The following RPS17 variants were observed in gnomAD, a reference collection of about 807,000 sequenced individuals.
RPS17 encodes the protein ribosomal protein S17.
For synonymous variants in RPS17, 75 were observed against 65.6 expected, an observed-to-expected ratio of 1.14 and a Z score of -0.70; for missense variants, 68 against 182.3, an observed-to-expected ratio of 0.37 and a Z score of 3.61.
At position 82,539,988 on chromosome 15, in the gene RPS17, T is replaced by C; in HGVS notation, c.148A>G (p.Ile50Val). 4 of 1,612,040 alleles carry C rather than the reference T, an allele frequency of 2.5e-6. No individual in the cohort carries two copies. The highest frequency in any genetic ancestry group is 3.4e-6 in the Non-Finnish European group (4 of 1,179,858). ...IIPSKKLRNK[I>V]AGYVTHLMKR... ...GAGGAAGGCCCGACTCACCCTGCTA[T>C]CTTGTTGCGGAGCTTTTTGCTGGGG... The change falls in exon 2 of 5, where the codon ATA becomes GTA. Residue 50 changes from isoleucine to valine, a missense_variant. Physicochemically the swap from Ile to Val is conservative, Grantham distance 29. Coordinates refer to ENST00000647841, the MANE Select transcript of RPS17 (RefSeq NM_001021.6).
intron 2 of RPS17, 151 bp from the exon 3 acceptor site, chr15:82,539,136 G>C (rs903286313): frequency 5.0e-5 from 40 of 807,912 alleles, no homozygotes; most frequent in Non-Finnish European, 7.5e-5. Context: ...CCTACACATA[G>C]AACCTCCACT....
chr15:82,537,162 A>G (rs1248107800), intron 4 of RPS17: 7 of 524,230 alleles, frequency 1.3e-5, no homozygotes, highest in Middle Eastern at 5.2e-4. Flanking sequence ...CTTCCTATCA[A>G]TCACTCTAAA....
At chr15:82,537,232 C>T in intron 4 of RPS17, 1 of 407,134 alleles carries the variant, frequency 2.5e-6, no homozygotes, top group Non-Finnish European at 4.6e-6. Flanking sequence ...TTGTTATAGG[C>T]AGCTGTACTG....
Position 82,538,387 on chromosome 15 carries a change from G to A in RPS17, c.262-16C>T. 9.9e-6 allele frequency: 16 copies of A among 1,611,802 alleles called. No homozygotes were observed. Among genetic ancestry groups the A allele is most frequent in the Non-Finnish European group, 1.4e-5 (16 of 1,179,642 alleles). On this transcript the variant is annotated splice_polypyrimidine_tract_variant and intron_variant, in intron 3 of 4. Coordinates refer to ENST00000647841, the MANE Select transcript of RPS17 (RefSeq NM_001021.6). Reference sequence around the variant, plus strand: ...AGGCTGAGACCTACAAGGAAACGAGGTAGGGTCAAAATACCAATCAATGAG... The same window carrying A: ...AGGCTGAGACCTACAAGGAAACGAGATAGGGTCAAAATACCAATCAATGAG...
chr15:82,538,112 T>G, intron 4 of RPS17, 194 bp downstream of exon 4: 1 of 652,290 alleles, frequency 1.5e-6, no homozygotes, highest in Non-Finnish European at 2.9e-6. Flanking sequence ...TTGGGAATCA[T>G]GATCTTGTGG....
intron 4 of RPS17, chr15:82,537,571 C>T (rs1243935169): frequency 1.8e-5 from 6 of 334,694 alleles, no homozygotes; most frequent in African/African-American, 4.3e-5. Context: ...ACCTGGAACT[C>T]CATGTCCTAT....
At chr15:82,538,446 G>T in intron 3 of RPS17, 75 bp from the exon 4 acceptor site, 1 of 1,513,510 alleles carries the variant, frequency 6.6e-7, no homozygotes, top group Non-Finnish European at 9.2e-7. Context: ...CTCTCCCCAG[G>T]TTCTTAAATA....
At position 82,538,176 on chromosome 15, in the gene RPS17, G is replaced by A. The variant is rs1656371194; in HGVS notation, c.327+130C>T. 6.1e-6 allele frequency: 6 copies of A among 984,856 alleles called. No homozygotes were observed. The South Asian group carries it at 7.8e-5, about 13-fold the overall frequency. 61.0% of individuals were successfully genotyped at this position (984,856 alleles called of 1,614,324 possible). On this transcript the variant is annotated intron_variant, in intron 4 of 4. Transcript: ENST00000647841. Reference sequence around the variant, plus strand: ...CTACACCCCTTATGAAAGCAGTCCAGTTTAGTGGCTACAAGTTTAGATGGG... The same window carrying A: ...CTACACCCCTTATGAAAGCAGTCCAATTTAGTGGCTACAAGTTTAGATGGG...
chr15:82,540,266 G>C (rs1298244050), intron 1 of RPS17, 134 bp from the exon 2 acceptor site: 2 of 1,600,954 alleles, frequency 1.2e-6, no homozygotes, highest in Non-Finnish European at 1.7e-6. Flanking sequence ...AAACAGTGCC[G>C]GGCGCCGGGC....
Position 82,536,992 on chromosome 15 carries a change from C to T in RPS17, c.328-111G>A, listed in dbSNP as rs926422710. The T allele has an allele frequency of 3.9e-4, 498 of 1,272,560 alleles. 4 individuals carry two copies. The South Asian group carries it at 5.0e-3, about 13-fold the overall frequency. The allele number at this position is 1,272,560 out of a possible 1,614,324, so 78.8% of individuals were successfully genotyped here. The stretch of plus-strand genomic sequence containing the variant: ...CAGCACTCTCAAGGGGGTCCAGAGG[C>T]GACCTGAAGGACCCTTTAAGAGCCA... On this transcript the variant is annotated intron_variant, in intron 4 of 4. Coordinates refer to ENST00000647841, the MANE Select transcript of RPS17 (RefSeq NM_001021.6).
Position 82,539,963 on chromosome 15 carries a change from G to A in RPS17, c.155+18C>T, listed in dbSNP as rs2034316654. On this transcript the variant is annotated intron_variant, in intron 2 of 4. Coordinates refer to ENST00000647841, the MANE Select transcript of RPS17 (RefSeq NM_001021.6). Reference sequence around the variant, plus strand: ...AACAGATCGCGGAGCCCCGGAGGCCGAGGAAGGCCCGACTCACCCTGCTAT... The same window carrying A: ...AACAGATCGCGGAGCCCCGGAGGCCAAGGAAGGCCCGACTCACCCTGCTAT... 3.7e-6 allele frequency: 6 copies of A among 1,611,970 alleles called. No individual in the cohort carries two copies. Among genetic ancestry groups the A allele is most frequent in the African/African-American group, 1.3e-5 (1 of 74,880 alleles).
At chr15:82,539,204 T>G in intron 2 of RPS17, 1 of 672,604 alleles carries the variant, frequency 1.5e-6, no homozygotes, top group Non-Finnish European at 2.7e-6. Flanking sequence ...TCCTTCATGA[T>G]GATCAAGCGC....
In RPS17 at chr15:82,540,088, G is replaced by C; in HGVS notation, c.48C>G (p.Ile16Met). ...CCAGGCGCGTGTAGTACTTTTCTATGATGACCCGGGCCGCCTTCTTCACGG... is the reference window on the plus strand; with the variant it reads ...CCAGGCGCGTGTAGTACTTTTCTATCATGACCCGGGCCGCCTTCTTCACGG... The part of the protein sequence containing the change: ...TKTVKKAARV[I>M]IEKYYTRLGN... The change falls in exon 2 of 5, where the codon ATC (isoleucine) becomes ATG (methionine). Residue 16 changes from isoleucine to methionine, a missense_variant. Coordinates refer to ENST00000647841, the MANE Select transcript of RPS17 (RefSeq NM_001021.6). 1 of 1,613,490 alleles carries C rather than the reference G, an allele frequency of 6.2e-7. No individual in the cohort carries two copies. Among genetic ancestry groups the C allele is most frequent in the Non-Finnish European group, 8.5e-7 (1 of 1,179,880 alleles).
In RPS17 at chr15:82,540,270, G is replaced by C. The variant is rs1595979958; in HGVS notation, c.4-138C>G. The C allele has an allele frequency of 1.9e-6, 3 of 1,598,808 alleles. No individual in the cohort carries two copies. The South Asian group carries it at 3.3e-5, about 18-fold the overall frequency. ...AGGGCCCGGCTAAACAGTGCCGGGC[G>C]CCGGGCTTAATGCGGAAGCCGCCGG... On this transcript the variant is annotated intron_variant, in intron 1 of 4. Transcript: ENST00000647841.
At chr15:82,539,022 G>A (rs1335837048) in intron 2 of RPS17, 37 bp from the exon 3 acceptor site, 5 of 1,601,430 alleles carry the variant, frequency 3.1e-6, no homozygotes, top group South Asian at 2.2e-5. Flanking sequence ...ACAGTGAGAA[G>A]ACAAATCAAC....
chr15:82,540,272 C>A (rs2034326247), intron 1 of RPS17, 140 bp from the exon 2 acceptor site: 1 of 1,599,536 alleles, frequency 6.3e-7, no homozygotes, highest in African/African-American at 1.3e-5. Flanking sequence ...TGCCGGGCGC[C>A]GGGCTTAATG....
intron 4 of RPS17, 167 bp from the exon 5 acceptor site, chr15:82,537,048 G>C: frequency 1.4e-6 from 1 of 732,276 alleles, no homozygotes; most frequent in South Asian, 1.5e-5. Flanking sequence ...CACTTTTCCA[G>C]AGTGATCTTC....
rs948708291 is a variant in RPS17, at chr15:82,539,625, G to A, written c.155+356C>T. 226 of 417,032 alleles carry A rather than the reference G, an allele frequency of 5.4e-4. 1 individual carries two copies. Among genetic ancestry groups the A allele is most frequent in the Non-Finnish European group, 8.8e-4 (193 of 219,728 alleles). 25.8% of individuals were successfully genotyped at this position (417,032 alleles called of 1,614,324 possible). A position where few individuals can be genotyped will look rare whatever the true frequency, so the allele number is the denominator to read the frequency against. Reference sequence around the variant, plus strand: ...AATCGCTTGAACCCGGGAGACGGAGGTTGCAGTGAGCCGAGATGGCGCCAC... The same window carrying A: ...AATCGCTTGAACCCGGGAGACGGAGATTGCAGTGAGCCGAGATGGCGCCAC... On this transcript the variant is annotated intron_variant, in intron 2 of 4. Coordinates refer to ENST00000647841, the MANE Select transcript of RPS17 (RefSeq NM_001021.6).
intron 1 of RPS17, 104 bp downstream of exon 1, chr15:82,540,322 T>TCCAGC: frequency 6.3e-7 from 1 of 1,580,398 alleles, no homozygotes; most frequent in Non-Finnish European, 8.6e-7. Context: ...CTGACAGGGC[T>TCCAGC]CTGCGCCTTC....
Sources: gnomAD v4.1 joint callset for allele counts on GRCh38, gnomAD v4.1.1 for gene constraint, MANE v1.5 for transcripts, NCBI Gene and HGNC (gene_info 2026-07-23, HGNC 2026-07-21) for gene names.